COL19A1: variants seen among roughly 807,000 people sequenced by gnomAD.
COL19A1 encodes collagen alpha-1(XIX) chain.
Under a neutral mutation model 190.2 loss-of-function variants are expected in COL19A1, and 159 were observed. The observed-to-expected ratio is 0.84, with a 90% CI of 0.73 to 0.95. The LOEUF (loss-of-function observed/expected upper bound fraction) is 0.95. Among genes scored for constraint, COL19A1 ranks in the 40% least tolerant of loss-of-function variants. The probability of loss-of-function intolerance (pLI) is 0.00; values close to 1 mark genes in which losing one functional copy is unlikely to be tolerated. For missense variants in COL19A1, 1,418 were observed against 1,431.9 expected, an observed-to-expected ratio of 0.99 and a Z score of 0.16; for synonymous variants, 509 against 458.9, an observed-to-expected ratio of 1.11 and a Z score of -1.39.
intron 14 of COL19A1, among the ~76,000 whole-genome samples, chr6:70,046,346 G>A (rs558814627): frequency 9.0e-4 from 136 of 151,832 alleles, no homozygotes; most frequent in Non-Finnish European, 1.7e-3. Flanking sequence ...TCTTCTTTTC[G>A]GAATCTCCAG....
At chr6:69,929,857 A>G (rs922565927) in intron 6 of COL19A1, among the ~76,000 whole-genome samples, 157 bp downstream of exon 6, 2 of 152,132 alleles carry the variant, frequency 1.3e-5, no homozygotes, top group African/African-American at 4.8e-5. Flanking sequence ...AAGAACAGCT[A>G]TGTTATTTCC....
intron 15 of COL19A1, among the ~76,000 whole-genome samples, chr6:70,085,220 G>A (rs1782508136): frequency 6.6e-6 from 1 of 152,160 alleles, no homozygotes; most frequent in South Asian, 2.1e-4. Context: ...TTTGTTGCTA[G>A]CACAGTTGCC....
intron 2 of COL19A1, among the ~76,000 whole-genome samples, chr6:69,886,031 A>G (rs117322548): frequency 6.6e-6 from 1 of 152,346 alleles, no homozygotes; most frequent in Non-Finnish European, 1.5e-5. Context: ...GAAGCAATCA[A>G]CAAAATGAAA....
intron 44 of COL19A1, among the ~76,000 whole-genome samples, chr6:70,182,006 T>C (rs549381244): frequency 2.0e-5 from 3 of 152,252 alleles, no homozygotes; most frequent in African/African-American, 7.2e-5. Flanking sequence ...TGGATTTCAT[T>C]TGAAATATGA....
chr6:70,162,192 G>C (rs891356962), intron 35 of COL19A1, among the ~76,000 whole-genome samples: 1 of 152,122 alleles, frequency 6.6e-6, no homozygotes, highest in African/African-American at 2.4e-5. Context: ...CTGCGATTAA[G>C]CTAGTGTGTT....
intron 4 of COL19A1, among the ~76,000 whole-genome samples, chr6:69,919,658 A>G (rs1057445473): frequency 3.3e-5 from 5 of 152,200 alleles, no homozygotes; most frequent in East Asian, 1.9e-4. Context: ...TTAAAGTCCT[A>G]TACAGTGGAA....
chr6:69,879,404 T>A (rs1768352372), intron 1 of COL19A1, 132 bp from the exon 2 acceptor site: 5 of 605,684 alleles, frequency 8.3e-6, no homozygotes, highest in Non-Finnish European at 1.5e-5. Flanking sequence ...ATTGCATATA[T>A]AATCATATTT....
intron 11 of COL19A1, among the ~76,000 whole-genome samples, chr6:70,002,810 T>G (rs909817257): frequency 1.3e-5 from 2 of 150,992 alleles, no homozygotes; most frequent in East Asian, 1.9e-4. Context: ...GTTGGTTTTT[T>G]TTTTTTTTTC....
intron 15 of COL19A1, among the ~76,000 whole-genome samples, chr6:70,088,034 G>A (rs1175416965): frequency 2.6e-5 from 4 of 152,190 alleles, no homozygotes; most frequent in South Asian, 2.1e-4. Context: ...CACCTTCTAC[G>A]TGCCCCTAGG....
At chr6:69,921,336 CT>C (rs1486967220) in intron 4 of COL19A1, among the ~76,000 whole-genome samples, 22 of 103,670 alleles carry the variant, frequency 2.1e-4, no homozygotes, top group African/African-American at 7.5e-4. Context: ...TATCATATAT[CT>C]ATATATATCA....
At chr6:69,946,330 C>A (rs983386702) in intron 9 of COL19A1, among the ~76,000 whole-genome samples, 1 of 151,646 alleles carries the variant, frequency 6.6e-6, no homozygotes, top group East Asian at 1.9e-4. Flanking sequence ...TTTGGTTTAA[C>A]TAATTTTTAT....
chr6:70,151,354 C>A, intron 30 of COL19A1, 43 bp from the exon 31 acceptor site: 3 of 1,573,628 alleles, frequency 1.9e-6, no homozygotes, highest in Non-Finnish European at 2.6e-6. Flanking sequence ...GTATTGTGTT[C>A]ATATATAAAT....
chr6:69,980,699 T>C (rs1247759815), intron 11 of COL19A1, among the ~76,000 whole-genome samples: 1 of 152,180 alleles, frequency 6.6e-6, no homozygotes, highest in Non-Finnish European at 1.5e-5. Flanking sequence ...TATTTGAAAA[T>C]GGACAAAATG....
At chr6:70,160,161 G>C (rs1787704941) in intron 34 of COL19A1, among the ~76,000 whole-genome samples, 1 of 152,058 alleles carries the variant, frequency 6.6e-6, no homozygotes, top group Non-Finnish European at 1.5e-5. Context: ...AAAGAAAGAG[G>C]TTTAATTGAC....
At chr6:69,988,853 T>C (rs1776448317) in intron 11 of COL19A1, among the ~76,000 whole-genome samples, 1 of 152,198 alleles carries the variant, frequency 6.6e-6, no homozygotes, top group Non-Finnish European at 1.5e-5. Context: ...GGATGTCCCA[T>C]TTATTCCTTT....
intron 49 of COL19A1, 185 bp downstream of exon 49, chr6:70,199,921 T>A: frequency 1.7e-6 from 1 of 577,120 alleles, no homozygotes; most frequent in Non-Finnish European, 3.0e-6. Flanking sequence ...ATTCTAGAAG[T>A]AGATGTTTAA....
intron 4 of COL19A1, among the ~76,000 whole-genome samples, chr6:69,907,112 T>A (rs796460658): frequency 0.033 from 4,650 of 140,452 alleles, 91 homozygotes; most frequent in East Asian, 0.11. Context: ...TTATTATTTT[T>A]TTTTTTTTTT....
chr6:69,898,919 T>A (rs573830226), intron 2 of COL19A1, 29 bp from the exon 3 acceptor site: 6 of 1,389,060 alleles, frequency 4.3e-6, no homozygotes, highest in Non-Finnish European at 4.1e-6. Flanking sequence ...ATAATGCAAA[T>A]CCTCTATGCT....
chr6:70,008,739 G>A (rs1370526191), intron 11 of COL19A1, among the ~76,000 whole-genome samples: 2 of 151,548 alleles, frequency 1.3e-5, no homozygotes, highest in East Asian at 3.9e-4. Flanking sequence ...AAGTCCATAG[G>A]CCAATATCTC....
Sources: gnomAD v4.1 joint callset for allele counts (sites outside exome capture counted in the v4.1 genomes callset) on GRCh38, gnomAD v4.1.1 for gene constraint, MANE v1.5 for transcripts, NCBI Gene and HGNC (gene_info 2026-07-23, HGNC 2026-07-21) for gene names.